The following COL4A2 variants were observed in gnomAD, a reference collection of about 807,000 sequenced individuals.
The protein encoded by COL4A2 is collagen type IV alpha 2 chain.
Under a neutral mutation model 200.2 loss-of-function variants are expected in COL4A2, and 99 were observed. That is an observed-to-expected ratio of 0.49 (90% CI 0.42 to 0.58). COL4A2 has a LOEUF of 0.58. Ranked by LOEUF, COL4A2 falls within the 20% of genes least tolerant of loss-of-function variation. The pLI is 0.00. For synonymous variants in COL4A2, 897 were observed against 900.6 expected, an observed-to-expected ratio of 1.00 and a Z score of 0.07; for missense variants, 1,950 against 2,314.1, an observed-to-expected ratio of 0.84 and a Z score of 3.23.
chr13:110,322,696 G>T (rs80172201), intron 3 of COL4A2, among the ~76,000 whole-genome samples: 1 of 152,150 alleles, frequency 6.6e-6, no homozygotes, highest in Non-Finnish European at 1.5e-5. Context: ...ACAGGGAGCC[G>T]ATGTCCACCT....
rs116657553 is a variant in COL4A2, at chr13:110,471,459, G to A, written c.2204-1470G>A. Among the ~76,000 whole-genome samples, 392 of 152,314 alleles carry A rather than the reference G, an allele frequency of 2.6e-3. 1 individual carries two copies. Among genetic ancestry groups the A allele is most frequent in the African/African-American group, 9.0e-3 (373 of 41,574 alleles). On this transcript the variant is annotated intron_variant, in intron 28 of 47. Coordinates refer to ENST00000360467, the MANE Select transcript of COL4A2 (RefSeq NM_001846.4). ...ATATACTGCCCTTCTGTCGCCACAT[G>A]CAGAAGAGGATAAAATGCCCAATTC...
At chr13:110,369,816 C>T (rs1877924479) in intron 4 of COL4A2, among the ~76,000 whole-genome samples, 1 of 152,180 alleles carries the variant, frequency 6.6e-6, no homozygotes, top group South Asian at 2.1e-4. Flanking sequence ...AGCCTTCTCT[C>T]CCATCATCCA....
intron 24 of COL4A2, 58 bp from the exon 25 acceptor site, chr13:110,465,347 T>G (rs1882194429): frequency 2.0e-6 from 3 of 1,525,812 alleles, no homozygotes. Context: ...AACAGGGAAG[T>G]CGAGGCGATC....
intron 3 of COL4A2, among the ~76,000 whole-genome samples, chr13:110,323,209 G>A (rs1566472889): frequency 6.6e-6 from 1 of 152,174 alleles, no homozygotes; most frequent in Non-Finnish European, 1.5e-5. Flanking sequence ...GAGTTCAAGG[G>A]CCTGTTGCTG....
chr13:110,327,288 T>C (rs974449179), intron 3 of COL4A2, among the ~76,000 whole-genome samples: 1 of 152,206 alleles, frequency 6.6e-6, no homozygotes, highest in African/African-American at 2.4e-5. Flanking sequence ...TCCACTGGCT[T>C]GCTTCCTGCC....
At chr13:110,344,837 A>T (rs933343907) in intron 3 of COL4A2, among the ~76,000 whole-genome samples, 2 of 152,094 alleles carry the variant, frequency 1.3e-5, no homozygotes, top group Admixed American at 1.3e-4. Flanking sequence ...AAACTGTTTT[A>T]TTTACTGCAA....
intron 3 of COL4A2, among the ~76,000 whole-genome samples, chr13:110,310,980 A>C (rs1244583370): frequency 6.6e-6 from 1 of 152,142 alleles, no homozygotes; most frequent in Non-Finnish European, 1.5e-5. Context: ...CTCTTCCTCC[A>C]CACCGAGCTT....
At position 110,407,565 on chromosome 13, in the gene COL4A2, G is replaced by A. The variant is rs1297428233; in HGVS notation, c.181-17169G>A. Among the ~76,000 whole-genome samples, 2 of 152,218 alleles carry A rather than the reference G, an allele frequency of 1.3e-5. 1 individual carries two copies. The highest frequency in any genetic ancestry group is 2.9e-5 in the Non-Finnish European group (2 of 68,040). The stretch of plus-strand genomic sequence containing the variant: ...CACGTTTTTACATTAGAAAGGAGTC[G>A]GAGAACACGTTGGATTTCAGAATTT... On this transcript the variant is annotated intron_variant, in intron 4 of 47. Transcript: ENST00000360467.
chr13:110,444,115 A>G (rs1881235547), intron 16 of COL4A2, among the ~76,000 whole-genome samples: 1 of 152,118 alleles, frequency 6.6e-6, no homozygotes, highest in Non-Finnish European at 1.5e-5. Context: ...AGGAATCCTG[A>G]GTGCTTCTTA....
intron 20 of COL4A2, among the ~76,000 whole-genome samples, chr13:110,455,459 C>CCT (rs1354905174): frequency 6.6e-6 from 1 of 152,150 alleles, no homozygotes; most frequent in Non-Finnish European, 1.5e-5. Flanking sequence ...TTTCACTGGG[C>CCT]CTCTCCCTGC....
At position 110,308,051 on chromosome 13, in the gene COL4A2, C is replaced by T. The variant is rs1192387239; in HGVS notation, c.45-18C>T. 2 of 1,613,566 alleles carry T rather than the reference C, an allele frequency of 1.2e-6. No homozygotes were observed. Among genetic ancestry groups the T allele is most frequent in the Non-Finnish European group, 1.7e-6 (2 of 1,179,892 alleles). On this transcript the variant is annotated intron_variant, in intron 2 of 47. Coordinates refer to ENST00000360467, the MANE Select transcript of COL4A2 (RefSeq NM_001846.4). ...GGGCCCGCACGTTCACGTCTCTCTT[C>T]CTCCCTTTCCCATGCAGGTGGCTGC...
At chr13:110,430,136 A>C (rs1880621511) in intron 8 of COL4A2, 180 bp downstream of exon 8, 6 of 735,028 alleles carry the variant, frequency 8.2e-6, no homozygotes, top group Non-Finnish European at 1.2e-5. Context: ...TCTTATTTTT[A>C]ATTGTGTGTT....
chr13:110,441,620 G>T (rs763535030), intron 16 of COL4A2, among the ~76,000 whole-genome samples: 1 of 152,062 alleles, frequency 6.6e-6, no homozygotes, highest in Non-Finnish European at 1.5e-5. Context: ...TCTAGTTCAT[G>T]GCTTAGGAAA....
chr13:110,366,561 A>C (rs1877762498), intron 4 of COL4A2, among the ~76,000 whole-genome samples: 1 of 152,244 alleles, frequency 6.6e-6, no homozygotes, highest in South Asian at 2.1e-4. Context: ...AGAAAATGGC[A>C]CAAATGATCA....
intron 4 of COL4A2, among the ~76,000 whole-genome samples, chr13:110,369,767 C>T (rs925371305): frequency 1.6e-4 from 24 of 152,160 alleles, no homozygotes; most frequent in Non-Finnish European, 2.5e-4. Flanking sequence ...TCAGGTGACT[C>T]CAGCCAGCCT....
At chr13:110,450,224 T>G in intron 19 of COL4A2, 81 bp from the exon 20 acceptor site, 1 of 1,245,396 alleles carries the variant, frequency 8.0e-7, no homozygotes, top group Non-Finnish European at 1.2e-6. Context: ...AGTGCCCCAG[T>G]GGGCCCCTCT....
chr13:110,339,798 G>A (rs78620913), intron 3 of COL4A2, among the ~76,000 whole-genome samples: 2,320 of 152,310 alleles, frequency 0.015, 69 homozygotes, highest in African/African-American at 0.052. Flanking sequence ...GAGGTGCTCG[G>A]TGCCGAGGAG....
Position 110,472,962 on chromosome 13 carries a change from TG to T in COL4A2, c.2240del (p.Gly747AlafsTer73). ...GGACCCCGAGGATCCAAAGGTGCAG[TG>T]GGCCTCCCTGGCCCAGATGGATCCC... ...FIGPRGSKGA[V>X]GLPGPDGSPG... On this transcript the variant is annotated frameshift_variant, in exon 29 of 48. Coordinates refer to ENST00000360467, the MANE Select transcript of COL4A2 (RefSeq NM_001846.4). LOFTEE classifies it high-confidence loss of function. 6.4e-7 allele frequency: 1 copy of T among 1,555,736 alleles called. No individual in the cohort carries two copies. The highest frequency in any genetic ancestry group is 8.7e-7 in the Non-Finnish European group (1 of 1,149,982).
chr13:110,474,762 C>CCAT (rs1882627802), intron 29 of COL4A2, among the ~76,000 whole-genome samples: 1 of 56,062 alleles, frequency 1.8e-5, no homozygotes, highest in Non-Finnish European at 4.1e-5. Context: ...ACTCACACAT[C>CCAT]ACACACGCAC....
Sources: gnomAD v4.1 joint callset for allele counts (sites outside exome capture counted in the v4.1 genomes callset) on GRCh38, gnomAD v4.1.1 for gene constraint, MANE v1.5 for transcripts, NCBI Gene and HGNC (gene_info 2026-07-23, HGNC 2026-07-21) for gene names.